GTF3C6: variants seen among roughly 807,000 people sequenced by gnomAD.
GTF3C6 encodes the protein general transcription factor 3C polypeptide 6.
GTF3C6 carries 11 observed loss-of-function variants against 19.2 expected under a neutral mutation model. The observed-to-expected ratio is 0.57, with a 90% confidence interval of 0.36 to 0.95. GTF3C6 has a LOEUF of 0.95. GTF3C6 is among the 40% of genes least tolerant of loss of function. The pLI, the probability that GTF3C6 is intolerant of heterozygous loss-of-function variation, is 0.01. For synonymous variants in GTF3C6, 87 were observed against 84.2 expected (o/e 1.03, Z -0.18); for missense variants, 222 against 254.7 (o/e 0.87, Z 0.87).
intron 4 of GTF3C6, among the ~76,000 whole-genome samples, chr6:110,961,347 C>T (rs34150611): frequency 0.25 from 37,194 of 151,344 alleles, 5,207 homozygotes; most frequent in East Asian, 0.64. Flanking sequence ...GACAGGGTTT[C>T]GCCATGTTGG....
intron 4 of GTF3C6, among the ~76,000 whole-genome samples, chr6:110,961,526 T>C (rs1363185439): frequency 6.6e-6 from 1 of 152,200 alleles, no homozygotes; most frequent in Non-Finnish European, 1.5e-5. Context: ...ATACTCACAG[T>C]AGCAATGTAT....
At chr6:110,960,867 A>G (rs1319538502) in intron 4 of GTF3C6, among the ~76,000 whole-genome samples, 1 of 151,952 alleles carries the variant, frequency 6.6e-6, no homozygotes, top group African/African-American at 2.4e-5. Flanking sequence ...CCTGGCCAAC[A>G]TGGCAAAACC....
intron 5 of GTF3C6, among the ~76,000 whole-genome samples, chr6:110,965,423 C>G (rs891345681): frequency 6.7e-6 from 1 of 148,448 alleles, no homozygotes; most frequent in Non-Finnish European, 1.5e-5. Flanking sequence ...ATTTGAAACT[C>G]TAGTAAATAA....
chr6:110,963,608 T>C (rs7764764), intron 5 of GTF3C6, among the ~76,000 whole-genome samples: 37,527 of 151,914 alleles, frequency 0.25, 5,351 homozygotes, highest in East Asian at 0.65. Context: ...AAAGTGGATA[T>C]GATCACAATA....
At chr6:110,959,905 C>T (rs967683355) in intron 2 of GTF3C6, among the ~76,000 whole-genome samples, 5 of 151,818 alleles carry the variant, frequency 3.3e-5, no homozygotes, top group Non-Finnish European at 5.9e-5. Flanking sequence ...TGCAGTGAGC[C>T]GAGATCGCGC....
Position 110,960,625 on chromosome 6 carries a change from T to C in GTF3C6, c.247+9T>C, listed in dbSNP as rs1457215254. On this transcript the variant is annotated intron_variant, in intron 4 of 5. Transcript: ENST00000329970. ...AGAAAATGTTGAACATGGTAAGTGA[T>C]TGCTAGCCCAGCCCTTTTTAATACG... 4 of 1,607,314 alleles carry C rather than the reference T, an allele frequency of 2.5e-6. No homozygotes were observed. The highest frequency in any genetic ancestry group is 1.3e-5 in the African/African-American group (1 of 74,792).
At chr6:110,960,140 CTT>C (rs1200785739) in intron 2 of GTF3C6, among the ~76,000 whole-genome samples, 1 of 152,076 alleles carries the variant, frequency 6.6e-6, no homozygotes, top group Non-Finnish European at 1.5e-5. Context: ...CAGATAGACT[CTT>C]TGCACTACTG....
intron 5 of GTF3C6, among the ~76,000 whole-genome samples, chr6:110,963,084 G>A (rs923357904): frequency 3.3e-5 from 5 of 151,898 alleles, no homozygotes; most frequent in East Asian, 1.9e-4. Flanking sequence ...GGCCACGCCC[G>A]GCTAATTTTT....
In GTF3C6 at chr6:110,960,617, G is replaced by T; in HGVS notation, c.247+1G>T. 1 of 1,611,756 alleles carries T rather than the reference G, an allele frequency of 6.2e-7. No homozygotes were observed. The highest frequency in any genetic ancestry group is 2.2e-5 in the East Asian group (1 of 44,858). ...ATATTTGAAGAAAATGTTGAACATGGTAAGTGATTGCTAGCCCAGCCCTTT... is the reference window on the plus strand; with the variant it reads ...ATATTTGAAGAAAATGTTGAACATGTTAAGTGATTGCTAGCCCAGCCCTTT... On this transcript the variant is annotated splice_donor_variant, in intron 4 of 5. Coordinates refer to ENST00000329970, the MANE Select transcript of GTF3C6 (RefSeq NM_138408.4). LOFTEE classifies it high-confidence loss of function.
At chr6:110,958,896 G>A (rs971342884) in intron 1 of GTF3C6, 70 bp downstream of exon 1, 12 of 1,478,500 alleles carry the variant, frequency 8.1e-6, no homozygotes, top group African/African-American at 4.2e-5. Context: ...GTGTGGGGAA[G>A]GGAGTTGGGG....
chr6:110,962,992 T>A (rs1319056675), intron 5 of GTF3C6, among the ~76,000 whole-genome samples: 1 of 152,156 alleles, frequency 6.6e-6, no homozygotes, highest in Non-Finnish European at 1.5e-5. Context: ...TTGGCCAGGA[T>A]GCTCTCAATC....
In GTF3C6 at chr6:110,962,501, CAT is replaced by C; in HGVS notation, c.359_360del (p.Ile120ArgfsTer11). The C allele has an allele frequency of 6.4e-7, 1 of 1,557,854 alleles. No homozygotes were observed. Among genetic ancestry groups the C allele is most frequent in the African/African-American group, 1.4e-5 (1 of 73,944 alleles). ...CAGAGAAGAAGGAAGGAGAAGAAAACATAGGTTAGTTCCATTATTCTCTGAAA... is the reference window on the plus strand; with the variant it reads ...CAGAGAAGAAGGAAGGAGAAGAAAACAGGTTAGTTCCATTATTCTCTGAAA... ...LTEKKEGEEN[I>X]GGVEWLQIKD... On this transcript the variant is annotated frameshift_variant and splice_region_variant, in exon 5 of 6. Coordinates refer to ENST00000329970, the MANE Select transcript of GTF3C6 (RefSeq NM_138408.4). LOFTEE classifies it high-confidence loss of function.
intron 2 of GTF3C6, 93 bp downstream of exon 2, chr6:110,959,345 A>G: frequency 3.9e-6 from 3 of 772,398 alleles, no homozygotes; most frequent in South Asian, 1.5e-5. Flanking sequence ...GTATTGATAT[A>G]TTTATTTCAC....
chr6:110,964,007 C>T (rs1771196948), intron 5 of GTF3C6, among the ~76,000 whole-genome samples: 1 of 151,994 alleles, frequency 6.6e-6, no homozygotes. Flanking sequence ...TGGCCAAAAG[C>T]TGGCTTTAAA....
At chr6:110,964,385 C>T (rs1771202297) in intron 5 of GTF3C6, among the ~76,000 whole-genome samples, 1 of 151,848 alleles carries the variant, frequency 6.6e-6, no homozygotes, top group African/African-American at 2.4e-5. Context: ...GCTGAGACTA[C>T]AGGCGCATGC....
At chr6:110,960,700 T>C in intron 4 of GTF3C6, 84 bp downstream of exon 4, 1 of 1,016,312 alleles carries the variant, frequency 9.8e-7, no homozygotes, top group Non-Finnish European at 1.6e-6. Flanking sequence ...GTATCCACTG[T>C]CTAGCTGTAT....
At chr6:110,966,890 C>A (rs1385690297) in intron 5 of GTF3C6, among the ~76,000 whole-genome samples, 1 of 152,170 alleles carries the variant, frequency 6.6e-6, no homozygotes, top group East Asian at 1.9e-4. Flanking sequence ...CGCAGTGGGT[C>A]ATGCCTGTGA....
At position 110,960,432 on chromosome 6, in the gene GTF3C6, C is replaced by T. The variant is rs1771145360; in HGVS notation, c.157C>T (p.Pro53Ser). 1 of 1,613,448 alleles carries T rather than the reference C, an allele frequency of 6.2e-7. No individual in the cohort carries two copies. Among genetic ancestry groups the T allele is most frequent in the Non-Finnish European group, 8.5e-7 (1 of 1,179,710 alleles). Residue 53 changes from proline to serine, a missense_variant, in exon 3 of 6, where the codon CCC becomes TCC. Coordinates refer to ENST00000329970, the MANE Select transcript of GTF3C6 (RefSeq NM_138408.4). The part of the protein sequence containing the change: ...CKVLGIDTER[P>S]ILQVDSCVFA... ...GTTGTAGGGCATTGACACTGAGAGG[C>T]CCATTCTGCAAGTGGACAGCTGTGT...
At chr6:110,962,708 T>G (rs541925104) in intron 5 of GTF3C6, among the ~76,000 whole-genome samples, 1 of 152,282 alleles carries the variant, frequency 6.6e-6, no homozygotes, top group South Asian at 2.1e-4. Flanking sequence ...GCTCAAGCAA[T>G]TCTCTTTCCC....
Sources: gnomAD v4.1 joint callset for allele counts (sites outside exome capture counted in the v4.1 genomes callset) on GRCh38, gnomAD v4.1.1 for gene constraint, MANE v1.5 for transcripts, NCBI Gene and HGNC (gene_info 2026-07-23, HGNC 2026-07-21) for gene names.